The following EFCAB11 variants were observed in gnomAD, a reference collection of about 807,000 sequenced individuals.
The protein encoded by EFCAB11 is EF-hand calcium binding domain 11.
Under a neutral mutation model 23.0 loss-of-function variants are expected in EFCAB11, and 14 were observed. The ratio of observed to expected loss-of-function variants is 0.61; its 90% CI spans 0.40 to 0.95. The LOEUF (loss-of-function observed/expected upper bound fraction) is 0.95, where lower values mean the gene tolerates loss of function less well. EFCAB11 is among the 40% of genes least tolerant of loss of function. The probability of loss-of-function intolerance (pLI) is 0.00; values close to 1 mark genes in which losing one functional copy is unlikely to be tolerated. For synonymous variants in EFCAB11, 65 were observed against 66.6 expected, an observed-to-expected ratio of 0.98 and a Z score of 0.11; for missense variants, 198 against 195.8, an observed-to-expected ratio of 1.01 and a Z score of -0.07.
At chr14:89,895,359 G>A (rs1391207041) in intron 5 of EFCAB11, among the ~76,000 whole-genome samples, 2 of 152,110 alleles carry the variant, frequency 1.3e-5, no homozygotes, top group African/African-American at 4.8e-5. Context: ...GCTAGTTTCT[G>A]GAATTATTAT....
intron 2 of EFCAB11, among the ~76,000 whole-genome samples, chr14:89,951,488 T>C (rs1891164032): frequency 6.6e-6 from 1 of 152,214 alleles, no homozygotes; most frequent in African/African-American, 2.4e-5. Context: ...TTTCTTGGTA[T>C]CTATCACAGT....
chr14:89,954,765 A>G, upstream of EFCAB11: 1 of 1,495,652 alleles, frequency 6.7e-7, no homozygotes, highest in South Asian at 1.3e-5. Context: ...CAGGAAGCCG[A>G]ACTTCACCGC....
intron 5 of EFCAB11, among the ~76,000 whole-genome samples, chr14:89,809,073 G>C (rs1886065989): frequency 6.6e-6 from 1 of 152,154 alleles, no homozygotes; most frequent in South Asian, 2.1e-4. Context: ...CATACCGTGA[G>C]GGAGGTCTTA....
intron 5 of EFCAB11, among the ~76,000 whole-genome samples, chr14:89,878,202 T>C (rs991160713): frequency 1.3e-5 from 2 of 152,196 alleles, no homozygotes; most frequent in Non-Finnish European, 2.9e-5. Flanking sequence ...AATCCTTTCA[T>C]TAGATGACCC....
intron 5 of EFCAB11, among the ~76,000 whole-genome samples, chr14:89,920,449 G>A (rs956655091): frequency 6.6e-6 from 1 of 152,200 alleles, no homozygotes; most frequent in African/African-American, 2.4e-5. Context: ...AAAGGAATAT[G>A]ACAGTGATTA....
intron 2 of EFCAB11, chr14:89,952,732 C>T: frequency 6.4e-6 from 3 of 471,322 alleles, no homozygotes; most frequent in Non-Finnish European, 8.3e-6. Flanking sequence ...CTTTGCTGGG[C>T]TTTCAATCTG....
intron 5 of EFCAB11, among the ~76,000 whole-genome samples, chr14:89,866,075 G>A (rs927674005): frequency 3.3e-5 from 5 of 152,038 alleles, no homozygotes; most frequent in African/African-American, 9.7e-5. Flanking sequence ...ATGAGTCACC[G>A]TGCCTGGCCT....
chr14:89,908,567 T>A (rs1481780541), intron 5 of EFCAB11, among the ~76,000 whole-genome samples: 2 of 152,162 alleles, frequency 1.3e-5, no homozygotes, highest in African/African-American at 4.8e-5. Context: ...ATTTTGTGTT[T>A]AGACTTGGGT....
intron 5 of EFCAB11, among the ~76,000 whole-genome samples, chr14:89,890,001 C>T (rs1320707063): frequency 6.6e-6 from 1 of 152,214 alleles, no homozygotes; most frequent in Non-Finnish European, 1.5e-5. Context: ...TCTAGTGAAT[C>T]ATCAAATCTA....
intron 5 of EFCAB11, among the ~76,000 whole-genome samples, chr14:89,823,034 A>G (rs1886576444): frequency 6.6e-6 from 1 of 152,178 alleles, no homozygotes; most frequent in Non-Finnish European, 1.5e-5. Flanking sequence ...AAGATTACAC[A>G]TCCTGAACAT....
At chr14:89,934,559 T>C (rs1401163485) in intron 3 of EFCAB11, among the ~76,000 whole-genome samples, 2 of 152,146 alleles carry the variant, frequency 1.3e-5, no homozygotes, top group African/African-American at 2.4e-5. Context: ...GCCGGCTGTC[T>C]TCTAGGCAAC....
intron 5 of EFCAB11, among the ~76,000 whole-genome samples, chr14:89,854,453 A>G (rs1375986813): frequency 1.3e-5 from 2 of 152,054 alleles, no homozygotes; most frequent in Non-Finnish European, 2.9e-5. Context: ...GAGATTCCCA[A>G]CAAAGCCGCA....
chr14:89,919,863 G>A (rs1889968303), intron 5 of EFCAB11, among the ~76,000 whole-genome samples: 2 of 152,112 alleles, frequency 1.3e-5, no homozygotes, highest in African/African-American at 2.4e-5. Context: ...TCCAGCAGCA[G>A]GTTGCAACCA....
At position 89,804,061 on chromosome 14, in the gene EFCAB11, C is replaced by T. The variant is rs553435073; in HGVS notation, c.411-6737G>A. On this transcript the variant is annotated intron_variant, in intron 5 of 5. Transcript: ENST00000316738. ...CTGGGGTCCCTTTGTGCCCGTCCCA[C>T]GCTATGCAACCTCCTTTGACTCCAG... Among the ~76,000 whole-genome samples the T allele has an allele frequency of 5.9e-5, 9 of 152,308 alleles. No individual in the cohort carries two copies. The South Asian group carries it at 6.2e-4, about 11-fold the overall frequency.
At chr14:89,863,708 C>T (rs890650502) in intron 5 of EFCAB11, among the ~76,000 whole-genome samples, 6 of 152,160 alleles carry the variant, frequency 3.9e-5, no homozygotes, top group African/African-American at 1.4e-4. Context: ...AGCATATGCT[C>T]ATTTTATGTT....
At chr14:89,876,438 G>A (rs1362976679) in intron 5 of EFCAB11, among the ~76,000 whole-genome samples, 1 of 152,036 alleles carries the variant, frequency 6.6e-6, no homozygotes, top group Non-Finnish European at 1.5e-5. Context: ...ATTAGGACGG[G>A]GGAAATTTCT....
chr14:89,888,060 C>T (rs1888848246), intron 5 of EFCAB11, among the ~76,000 whole-genome samples: 2 of 152,108 alleles, frequency 1.3e-5, no homozygotes. Context: ...GTAGATAATA[C>T]GGCCAATACA....
intron 5 of EFCAB11, among the ~76,000 whole-genome samples, chr14:89,800,192 C>T (rs969727712): frequency 2.4e-5 from 1 of 41,590 alleles, no homozygotes; most frequent in Non-Finnish European, 5.5e-5. Flanking sequence ...ATCTCGTAAA[C>T]AAACAAACAA....
intron 5 of EFCAB11, among the ~76,000 whole-genome samples, chr14:89,930,313 A>G (rs1276844610): frequency 3.3e-5 from 5 of 152,120 alleles, no homozygotes; most frequent in Admixed American, 2.0e-4. Context: ...CTCTGGTCAT[A>G]TTTCATTAAG....
Sources: allele counts gnomAD v4.1 joint callset (sites outside exome capture counted in the v4.1 genomes callset), GRCh38; gene constraint gnomAD v4.1.1; transcripts MANE v1.5; gene names NCBI Gene and HGNC (gene_info 2026-07-23, HGNC 2026-07-21).